Variants in DUSP3 observed in about 807,000 individuals in gnomAD.
The protein encoded by DUSP3 is dual specificity protein phosphatase 3.
DUSP3 carries 7 observed loss-of-function variants against 15.5 expected under a neutral mutation model. The observed-to-expected ratio is 0.45, with a 90% CI of 0.26 to 0.85. DUSP3 has a LOEUF of 0.85. Ranked by LOEUF, DUSP3 falls within the 40% of genes least tolerant of loss-of-function variation. The pLI, the probability that DUSP3 is intolerant of heterozygous loss-of-function variation, is 0.18. For synonymous variants in DUSP3, 86 were observed against 104.2 expected, an observed-to-expected ratio of 0.83 and a Z score of 1.07; for missense variants, 209 against 251.7, an observed-to-expected ratio of 0.83 and a Z score of 1.15.
intron 2 of DUSP3, among the ~76,000 whole-genome samples, chr17:43,773,652 G>A (rs1315446319): frequency 6.6e-6 from 1 of 152,144 alleles, no homozygotes; most frequent in Non-Finnish European, 1.5e-5. Flanking sequence ...GTATTTCTGG[G>A]AAATGTTTTA....
In DUSP3 at chr17:43,769,137, TGC is replaced by T; in HGVS notation, c.*470_*471del. On this transcript the variant is annotated 3_prime_UTR_variant, in exon 3 of 3. Coordinates refer to ENST00000226004, the MANE Select transcript of DUSP3 (RefSeq NM_004090.4). ...AGGGTGTGGAAGGCTGTGGGGACAG[TGC>T]AGGGCACAGACGTGGTGGGGAGAGT... 1 of 174,898 alleles carries T rather than the reference TGC, an allele frequency of 5.7e-6. No individual in the cohort carries two copies. The highest frequency in any genetic ancestry group is 1.2e-5 in the Non-Finnish European group (1 of 83,710). 10.8% of individuals were successfully genotyped at this position (174,898 alleles called of 1,614,324 possible).
At chr17:43,771,420 C>A (rs1332415121) in intron 2 of DUSP3, among the ~76,000 whole-genome samples, 1 of 152,088 alleles carries the variant, frequency 6.6e-6, no homozygotes, top group Non-Finnish European at 1.5e-5. Flanking sequence ...TCTGTTTTTT[C>A]TAGAGAATCC....
chr17:43,771,894 C>A (rs1460123506), intron 2 of DUSP3, among the ~76,000 whole-genome samples: 1 of 151,952 alleles, frequency 6.6e-6, no homozygotes, highest in African/African-American at 2.4e-5. Flanking sequence ...CCTGTAATCC[C>A]AGCTACTCAG....
At position 43,769,579 on chromosome 17, in the gene DUSP3, G is replaced by A; in HGVS notation, c.*30C>T. On this transcript the variant is annotated 3_prime_UTR_variant, in exon 3 of 3. Coordinates refer to ENST00000226004, the MANE Select transcript of DUSP3 (RefSeq NM_004090.4). ...ACCTTTGCCCACGGCCTCCCCCACG[G>A]ACCTCTCGAGCAGAGGTGGTGGGGG... The A allele has an allele frequency of 6.2e-7, 1 of 1,609,662 alleles. No individual in the cohort carries two copies. The highest frequency in any genetic ancestry group is 8.5e-7 in the Non-Finnish European group (1 of 1,178,948).
Position 43,772,839 on chromosome 17 carries a change from A to T in DUSP3, c.352+1873T>A, listed in dbSNP as rs534669451. Among the ~76,000 whole-genome samples, 680 of 152,268 alleles carry T rather than the reference A, an allele frequency of 4.5e-3. 6 individuals carry two copies. The highest frequency in any genetic ancestry group is 0.016 in the African/African-American group (649 of 41,546). On this transcript the variant is annotated intron_variant, in intron 2 of 2. Transcript: ENST00000226004. ...GAGTTTGCCAGAGGAAGGGGTAGGG[A>T]GAGGCAGAGAGAACTTTTCAGACTA... is the stretch of plus-strand genomic sequence containing the variant.
At chr17:43,771,445 GTTA>G (rs1389908889) in intron 2 of DUSP3, among the ~76,000 whole-genome samples, 1 of 152,060 alleles carries the variant, frequency 6.6e-6, no homozygotes, top group Non-Finnish European at 1.5e-5. Flanking sequence ...CAATACACTG[GTTA>G]TTAACTCATG....
chr17:43,777,139 A>G (rs1400259738), intron 1 of DUSP3, among the ~76,000 whole-genome samples: 3 of 151,920 alleles, frequency 2.0e-5, no homozygotes, highest in Non-Finnish European at 4.4e-5. Flanking sequence ...TGCCCAGCTA[A>G]TTTTTGTATT....
rs949964199 is a variant in DUSP3, at chr17:43,768,523, A to G, written c.*1086T>C. On this transcript the variant is annotated 3_prime_UTR_variant, in exon 3 of 3. Transcript: ENST00000226004. The stretch of plus-strand genomic sequence containing the variant: ...CGTGCTGGCACCAGAGAGCTGTAAG[A>G]GCCACCTGCAATGGGCAGGGTGTGT... 1 of 152,218 alleles carries G rather than the reference A, an allele frequency of 6.6e-6. No individual in the cohort carries two copies. Among genetic ancestry groups the G allele is most frequent in the Non-Finnish European group, 1.5e-5 (1 of 68,072 alleles). 9.4% of individuals were successfully genotyped at this position (152,218 alleles called of 1,614,324 possible). A position where few individuals can be genotyped will look rare whatever the true frequency, so the allele number is the denominator to read the frequency against.
intron 2 of DUSP3, among the ~76,000 whole-genome samples, chr17:43,774,401 A>G (rs1404732901): frequency 6.6e-6 from 1 of 152,114 alleles, no homozygotes; most frequent in Non-Finnish European, 1.5e-5. Context: ...ACACATTAAC[A>G]CATCTTCCTC....
At chr17:43,776,729 A>G (rs1180126147) in intron 1 of DUSP3, among the ~76,000 whole-genome samples, 1 of 152,190 alleles carries the variant, frequency 6.6e-6, no homozygotes, top group Non-Finnish European at 1.5e-5. Context: ...CTTGGTTTCC[A>G]CTTGGGAAGT....
At chr17:43,770,579 C>A (rs1170255095) in intron 2 of DUSP3, among the ~76,000 whole-genome samples, 1 of 150,554 alleles carries the variant, frequency 6.6e-6, no homozygotes, top group East Asian at 2.0e-4. Context: ...ATTGCTTGAA[C>A]CCAGGAGGCA....
chr17:43,778,715 AGACTCGCGACACCCC>A, intron 1 of DUSP3, 70 bp downstream of exon 1: 1 of 1,386,632 alleles, frequency 7.2e-7, no homozygotes. Flanking sequence ...CCCCAACCCA[AGACTCGCGACACCCC>A]GACCCCAGCC....
intron 2 of DUSP3, among the ~76,000 whole-genome samples, chr17:43,772,895 C>CA (rs1000737382): frequency 6.6e-6 from 1 of 151,516 alleles, no homozygotes; most frequent in Non-Finnish European, 1.5e-5. Flanking sequence ...TGAGACAGGT[C>CA]AAAAAAAGGG....
intron 1 of DUSP3, chr17:43,777,401 T>C (rs1361701670): frequency 2.5e-6 from 1 of 407,104 alleles, no homozygotes; most frequent in African/African-American, 2.0e-5. Flanking sequence ...AATGATGGAA[T>C]GGATGAGAAC....
Position 43,774,772 on chromosome 17 carries a change from G to A in DUSP3, c.292C>T (p.Leu98Phe), listed in dbSNP as rs972411872. The A allele has an allele frequency of 6.2e-7, 1 of 1,614,214 alleles. No homozygotes were observed. Among genetic ancestry groups the A allele is most frequent in the Non-Finnish European group, 8.5e-7 (1 of 1,180,030 alleles). ...GCAGCCCTTTCAAAGTAAGCGCTGA[G>A]GTTGAACTCCTGTGTGTCGTTGGCC... ...IKANDTQEFN[L>F]SAYFERAADF... The change falls in exon 2 of 3, where the codon CTC becomes TTC. Residue 98 changes from leucine (L) to phenylalanine (F), a missense_variant. Coordinates refer to ENST00000226004, the MANE Select transcript of DUSP3 (RefSeq NM_004090.4).
At chr17:43,778,500 C>A (rs1364799672) in intron 1 of DUSP3, among the ~76,000 whole-genome samples, 1 of 152,180 alleles carries the variant, frequency 6.6e-6, no homozygotes, top group African/African-American at 2.4e-5. Flanking sequence ...TAGCCCCGAC[C>A]CCGCCCAAGG....
chr17:43,769,810 C>G lies in DUSP3; in HGVS notation c.357G>C (p.Arg119=). The G allele has an allele frequency of 1.2e-6, 2 of 1,614,056 alleles. No individual in the cohort carries two copies. The highest frequency in any genetic ancestry group is 2.7e-5 in the African/African-American group (2 of 75,020). Reference sequence around the variant, plus strand: ...AACCTTCCCGGCAGTGGACGAGCACCCGGCCTGTAAGAAACAGGGGAGACG... The same window carrying G: ...AACCTTCCCGGCAGTGGACGAGCACGCGGCCTGTAAGAAACAGGGGAGACG... The part of the protein sequence containing the change: ...IDQALAQKNG[R]VLVHCREGYS... The change falls in exon 3 of 3, where the codon CGG becomes CGC. Residue 119 remains arginine, a synonymous_variant. Coordinates refer to ENST00000226004, the MANE Select transcript of DUSP3 (RefSeq NM_004090.4).
chr17:43,777,850 C>A (rs954807189), intron 1 of DUSP3: 1 of 204,378 alleles, frequency 4.9e-6, no homozygotes, highest in South Asian at 6.9e-5. Flanking sequence ...TAAAAAAAAT[C>A]TCTTACTGTC....
At position 43,766,822 on chromosome 17, in the gene DUSP3, A is replaced by T. The variant is rs1974247116; in HGVS notation, c.*2787T>A. ...ATACTGCTTTAAGATTGAGAAGAAA[A>T]CCATTTGGCGCTCTAATTTTGCCTG... On this transcript the variant is annotated 3_prime_UTR_variant, in exon 3 of 3. Transcript: ENST00000226004. The T allele has an allele frequency of 6.6e-6, 1 of 152,006 alleles. No individual in the cohort carries two copies. Among genetic ancestry groups the T allele is most frequent in the Admixed American group, 6.6e-5 (1 of 15,266 alleles). The allele number at this position is 152,006 out of a possible 1,614,324, so 9.4% of individuals were successfully genotyped here. A position where few individuals can be genotyped will look rare whatever the true frequency, so the allele number is the denominator to read the frequency against.
Sources: allele counts gnomAD v4.1 joint callset (sites outside exome capture counted in the v4.1 genomes callset), GRCh38; gene constraint gnomAD v4.1.1; transcripts MANE v1.5; gene names NCBI Gene and HGNC (gene_info 2026-07-23, HGNC 2026-07-21).